The following DRD3 variants were observed in gnomAD, a reference collection of about 807,000 sequenced individuals.
DRD3 encodes D(3) dopamine receptor.
DRD3 carries 19 observed loss-of-function variants against 36.3 expected under a neutral mutation model. The observed-to-expected ratio is 0.52, with a 90% CI of 0.36 to 0.77. The LOEUF is 0.77. DRD3 is among the 30% of genes least tolerant of loss of function. The probability of loss-of-function intolerance (pLI) is 0.00; values close to 1 mark genes in which losing one functional copy is unlikely to be tolerated. For synonymous variants in DRD3, 195 were observed against 203.7 expected (o/e 0.96, Z 0.36); for missense variants, 465 against 505.3 (o/e 0.92, Z 0.77).
At chr3:114,181,487 C>A (rs756190128), upstream of DRD3, among the ~76,000 whole-genome samples, 1 of 152,192 alleles carries the variant, frequency 6.6e-6, no homozygotes, top group African/African-American at 2.4e-5. Flanking sequence ...GTAAGTGGAA[C>A]CCTTATTCAT....
At chr3:114,169,381 A>T (rs2077817607) in intron 2 of DRD3, among the ~76,000 whole-genome samples, 1 of 149,830 alleles carries the variant, frequency 6.7e-6, no homozygotes, top group African/African-American at 2.4e-5. Context: ...GCAAATTGGT[A>T]AGACCAAAAA....
chr3:114,171,616 T>C, intron 2 of DRD3, 107 bp downstream of exon 2: 1 of 1,369,244 alleles, frequency 7.3e-7, no homozygotes, highest in Non-Finnish European at 9.7e-7. Flanking sequence ...CCTTCCTTCC[T>C]CAGTTCCTGA....
In DRD3 at chr3:114,138,409, G is replaced by A. The variant is rs575301511; in HGVS notation, c.723+1091C>T. Among the ~76,000 whole-genome samples the A allele has an allele frequency of 5.9e-5, 9 of 152,252 alleles. No homozygotes were observed. The South Asian group carries it at 1.9e-3, about 32-fold the overall frequency. On this transcript the variant is annotated intron_variant, in intron 5 of 6. Coordinates refer to ENST00000383673, the MANE Select transcript of DRD3 (RefSeq NM_000796.6). Reference sequence around the variant, plus strand: ...GCTGGGGAGGCCTCACAATCATGGTGGAAGGTGAAAGGCACGTCTTACATG... The same window carrying A: ...GCTGGGGAGGCCTCACAATCATGGTAGAAGGTGAAAGGCACGTCTTACATG...
intron 1 of DRD3, among the ~76,000 whole-genome samples, chr3:114,194,406 C>G (rs1442201241): frequency 1.3e-5 from 2 of 152,140 alleles, no homozygotes; most frequent in Admixed American, 1.3e-4. Flanking sequence ...CCTCAGCCCC[C>G]CAAGTAGCTG....
Position 114,128,738 on chromosome 3 carries a change from A to C in DRD3, c.1181T>G (p.Phe394Cys). Residue 394 changes from phenylalanine to cysteine, a missense_variant, in exon 7 of 7, where the codon TTC becomes TGC. Transcript: ENST00000383673. ...CCCTCAGCAAGACAGGATCTTGAGG[A>C]AGGCTTTCCGGAACTCGATATTGAA... ...TTFNIEFRKAFLKILSC is the reference protein window; with the variant it reads ...TTFNIEFRKACLKILSC 6.2e-7 allele frequency: 1 copy of C among 1,606,222 alleles called. No individual in the cohort carries two copies. The highest frequency in any genetic ancestry group is 8.5e-7 in the Non-Finnish European group (1 of 1,175,946).
intron 2 of DRD3, among the ~76,000 whole-genome samples, chr3:114,164,923 G>A (rs1006417227): frequency 5.9e-5 from 9 of 152,082 alleles, no homozygotes; most frequent in Non-Finnish European, 1.2e-4. Context: ...GCTAATTTTT[G>A]TATTTTTAGT....
chr3:114,159,974 T>C, intron 2 of DRD3, 107 bp from the exon 3 acceptor site: 5 of 884,968 alleles, frequency 5.6e-6, no homozygotes, highest in South Asian at 4.6e-5. Context: ...TTGGCACTCC[T>C]ACTCCCTGTG....
intron 4 of DRD3, among the ~76,000 whole-genome samples, chr3:114,147,213 G>T (rs1301279623): frequency 6.6e-6 from 1 of 151,972 alleles, no homozygotes; most frequent in Non-Finnish European, 1.5e-5. Context: ...TTTACCCCCT[G>T]TGCCAATAAT....
intron 3 of DRD3, among the ~76,000 whole-genome samples, chr3:114,156,737 C>CTT (rs2077673086): frequency 1.2e-4 from 2 of 17,266 alleles, no homozygotes; most frequent in Admixed American, 1.5e-3. Flanking sequence ...TTCTTTCTTT[C>CTT]TTTCTTTTTC....
At chr3:114,132,814 T>C (rs2077442547) in intron 5 of DRD3, among the ~76,000 whole-genome samples, 1 of 152,228 alleles carries the variant, frequency 6.6e-6, no homozygotes, top group Admixed American at 6.5e-5. Flanking sequence ...TGACAATACT[T>C]ACCAGTTGCA....
chr3:114,174,755 T>C (rs544146419), intron 1 of DRD3, among the ~76,000 whole-genome samples: 1 of 151,620 alleles, frequency 6.6e-6, no homozygotes, highest in East Asian at 1.9e-4. Flanking sequence ...AGATTTTTTT[T>C]TTTTTTTTCA....
chr3:114,131,032 A>G, intron 6 of DRD3, 86 bp downstream of exon 6: 2 of 1,464,150 alleles, frequency 1.4e-6, no homozygotes, highest in Non-Finnish European at 9.2e-7. Context: ...ACTGTCATCA[A>G]ATTTCCGATA....
chr3:114,175,627 G>A (rs537923548), intron 1 of DRD3, among the ~76,000 whole-genome samples: 1 of 152,144 alleles, frequency 6.6e-6, no homozygotes, highest in Admixed American at 6.5e-5. Context: ...TGCTATAAAG[G>A]ATCTAAGATC....
intron 1 of DRD3, among the ~76,000 whole-genome samples, chr3:114,198,573 G>A (rs1226528359): frequency 6.6e-6 from 1 of 151,948 alleles, no homozygotes; most frequent in Non-Finnish European, 1.5e-5. Context: ...TTTTGGTGTA[G>A]ATTTTATACA....
At chr3:114,170,415 G>A (rs992537560) in intron 2 of DRD3, among the ~76,000 whole-genome samples, 6 of 152,248 alleles carry the variant, frequency 3.9e-5, no homozygotes, top group Non-Finnish European at 7.4e-5. Context: ...CTGACTTCAA[G>A]GTTGACTCAG....
intron 2 of DRD3, among the ~76,000 whole-genome samples, chr3:114,165,496 A>G (rs573184353): frequency 6.6e-6 from 1 of 152,318 alleles, no homozygotes; most frequent in South Asian, 2.1e-4. Context: ...TGGTGACACT[A>G]AAGATTTCTT....
rs2077397701 is a variant in DRD3, at chr3:114,128,611, A to G, written c.*105T>C. 2.5e-6 allele frequency: 3 copies of G among 1,182,444 alleles called. No individual in the cohort carries two copies. The highest frequency in any genetic ancestry group is 3.4e-6 in the Non-Finnish European group (3 of 871,492). The allele number at this position is 1,182,444 out of a possible 1,614,324, so 73.2% of individuals were successfully genotyped here. ...AAGCAGGGACATCCTGGCTCCAGGA[A>G]TCTTCTTCCTACTGCATGCCGGAGG... is the stretch of plus-strand genomic sequence containing the variant. On this transcript the variant is annotated 3_prime_UTR_variant, in exon 7 of 7. Coordinates refer to ENST00000383673, the MANE Select transcript of DRD3 (RefSeq NM_000796.6).
chr3:114,168,793 C>T (rs1033642169), intron 2 of DRD3, among the ~76,000 whole-genome samples: 1 of 152,194 alleles, frequency 6.6e-6, no homozygotes, highest in East Asian at 1.9e-4. Flanking sequence ...GCAGTTAAAC[C>T]ACAACTAATC....
chr3:114,134,216 G>A (rs546022254), intron 5 of DRD3, among the ~76,000 whole-genome samples: 1 of 152,202 alleles, frequency 6.6e-6, no homozygotes, highest in East Asian at 1.9e-4. Flanking sequence ...TACTCAGAAT[G>A]AATGAATGAA....
Sources: gnomAD v4.1 joint callset for allele counts (sites outside exome capture counted in the v4.1 genomes callset) on GRCh38, gnomAD v4.1.1 for gene constraint, MANE v1.5 for transcripts, NCBI Gene and HGNC (gene_info 2026-07-23, HGNC 2026-07-21) for gene names.